Variants in ZBTB20 observed in about 807,000 individuals in gnomAD.
ZBTB20 encodes zinc finger and BTB domain containing 20, also known as zinc finger and BTB domain-containing protein 20.
A neutral mutation model predicts 56.9 loss-of-function variants in ZBTB20; 9 were observed. The ratio of observed to expected loss-of-function variants is 0.16; its 90% CI spans 0.10 to 0.28. ZBTB20 has a LOEUF of 0.28. Ranked by LOEUF, ZBTB20 falls within the 10% of genes least tolerant of loss-of-function variation. The probability of loss-of-function intolerance (pLI) is 1.00; values close to 1 mark genes in which losing one functional copy is unlikely to be tolerated. For synonymous variants in ZBTB20, 417 were observed against 420.7 expected (o/e 0.99, Z 0.11); for missense variants, 655 against 1,003.0 (o/e 0.65, Z 4.69).
rs74984852 is a variant in ZBTB20, at chr3:114,381,188, A to C, written c.-153-248T>G. Among the ~76,000 whole-genome samples, 910 of 152,286 alleles carry C rather than the reference A, an allele frequency of 6.0e-3. 7 individuals are homozygous for C. Among genetic ancestry groups the C allele is most frequent in the African/African-American group, 0.021 (868 of 41,540 alleles). ...TTAGATTCTAGTAGCTAAAGAGGGA[A>C]GGTGTCATGCAGAGATTTTTCTACT... On this transcript the variant is annotated intron_variant, in intron 8 of 11. Transcript: ENST00000675478.
chr3:114,469,010 C>CAAAA (rs1164804884), intron 7 of ZBTB20, among the ~76,000 whole-genome samples: 25 of 67,022 alleles, frequency 3.7e-4, no homozygotes, highest in African/African-American at 8.5e-4. Flanking sequence ...TCAAGAGAAG[C>CAAAA]AAAAAAAAAA....
intron 4 of ZBTB20, among the ~76,000 whole-genome samples, chr3:114,859,093 TA>T (rs967994368): frequency 9.9e-5 from 15 of 151,886 alleles, no homozygotes; most frequent in African/African-American, 3.1e-4. Flanking sequence ...AAATATTTTT[TA>T]AAAAAACAGA....
chr3:114,981,252 A>C (rs1199365389), intron 2 of ZBTB20, among the ~76,000 whole-genome samples: 1 of 152,042 alleles, frequency 6.6e-6, no homozygotes, highest in East Asian at 1.9e-4. Flanking sequence ...CCAGGACAAA[A>C]GGAGAATGTT....
intron 1 of ZBTB20, among the ~76,000 whole-genome samples, chr3:115,116,677 T>C (rs1418830600): frequency 1.3e-5 from 2 of 151,874 alleles, no homozygotes; most frequent in African/African-American, 4.8e-5. Flanking sequence ...ATTTGATAAA[T>C]ATTAGTTTTC....
rs2079420446 is a variant in ZBTB20, at chr3:114,335,449, A to C, written c.*3556T>G. On this transcript the variant is annotated 3_prime_UTR_variant, in exon 12 of 12. Coordinates refer to ENST00000675478, the MANE Select transcript of ZBTB20 (RefSeq NM_001348800.3). ...TTTCTAAAGATATTTGTGATTGTTTAACTTAAAAGTGAGAATTGACAATCT... is the reference window on the plus strand; with the variant it reads ...TTTCTAAAGATATTTGTGATTGTTTCACTTAAAAGTGAGAATTGACAATCT... The C allele has an allele frequency of 6.6e-6, 1 of 152,236 alleles. No homozygotes were observed. The highest frequency in any genetic ancestry group is 1.5e-5 in the Non-Finnish European group (1 of 68,026). 9.4% of individuals were successfully genotyped at this position (152,236 alleles called of 1,614,324 possible). A position where few individuals can be genotyped will look rare whatever the true frequency, so the allele number is the denominator to read the frequency against.
intron 2 of ZBTB20, among the ~76,000 whole-genome samples, chr3:115,018,877 T>C (rs1464554549): frequency 6.6e-6 from 1 of 151,306 alleles, no homozygotes; most frequent in African/African-American, 2.4e-5. Context: ...AGTAAATTGG[T>C]AGTGAATGTT....
intron 6 of ZBTB20, chr3:114,502,665 C>CT (rs1293715284): frequency 6.6e-6 from 1 of 152,068 alleles, no homozygotes; most frequent in Non-Finnish European, 1.5e-5. Flanking sequence ...TTTTAAAGCT[C>CT]TAAGTTTTGC....
rs188127457 is a variant in ZBTB20 at position 114,878,657 on chromosome 3, G to A, written c.-417+21647C>T. Reference sequence around the variant, plus strand: ...AGTAAATTCACATACTCTGTGATACGGGGTGAGTCACTATGACTCTTCTCT... The same window carrying A: ...AGTAAATTCACATACTCTGTGATACAGGGTGAGTCACTATGACTCTTCTCT... On this transcript the variant is annotated intron_variant, in intron 4 of 11. Transcript: ENST00000675478. 3.4e-3 allele frequency among the ~76,000 whole-genome samples: 518 copies of A among 151,858 alleles called. 1 individual carries two copies. The highest frequency in any genetic ancestry group is 0.016 in the South Asian group (75 of 4,794).
chr3:114,808,557 C>A (rs570478923), intron 4 of ZBTB20, among the ~76,000 whole-genome samples: 1 of 151,822 alleles, frequency 6.6e-6, no homozygotes, highest in Non-Finnish European at 1.5e-5. Flanking sequence ...AATCTGTCAT[C>A]TTCTCTCCTT....
At chr3:114,840,504 C>T (rs1224367430) in intron 4 of ZBTB20, among the ~76,000 whole-genome samples, 2 of 152,160 alleles carry the variant, frequency 1.3e-5, no homozygotes, top group African/African-American at 4.8e-5. Flanking sequence ...CTTTTACTGT[C>T]TCATCTGTAA....
chr3:114,666,049 G>C (rs549234507), intron 6 of ZBTB20, among the ~76,000 whole-genome samples: 1 of 152,026 alleles, frequency 6.6e-6, no homozygotes, highest in South Asian at 2.1e-4. Context: ...TGCTTCCTTT[G>C]TCCCTTGCAT....
chr3:114,798,341 CA>C (rs751057036), intron 5 of ZBTB20, among the ~76,000 whole-genome samples: 1,747 of 68,708 alleles, frequency 0.025, 16 homozygotes, highest in South Asian at 0.11. Context: ...AATTAAAAAA[CA>C]AAAAAACAAA....
At chr3:114,726,911 C>CAAAAAAAAAAAAAAAAAAAAAAAAAAAA (rs35565597) in intron 5 of ZBTB20, among the ~76,000 whole-genome samples, 1 of 49,294 alleles carries the variant, frequency 2.0e-5, no homozygotes, top group Non-Finnish European at 3.2e-5. Context: ...GACTCCATCA[C>CAAAAAAAAAAAAAAAAAAAAAAAAAAAA]AAAAAAAAAA....
intron 7 of ZBTB20, among the ~76,000 whole-genome samples, chr3:114,443,095 G>T (rs1310869773): frequency 2.0e-5 from 3 of 152,060 alleles, no homozygotes; most frequent in East Asian, 1.9e-4. Context: ...CTATCAAAAA[G>T]ATCTCACTGT....
rs192718630 is a variant in ZBTB20, at chr3:115,121,279, G to A, written c.-703+25940C>T. 7.2e-4 allele frequency among the ~76,000 whole-genome samples: 109 copies of A among 152,096 alleles called. 1 individual carries two copies. Among genetic ancestry groups the A allele is most frequent in the African/African-American group, 2.5e-3 (104 of 41,532 alleles). ...GGAAACTTTCAAACATACAAAAAGA[G>A]TACATAATAAATGATTCCCTTGTAC... On this transcript the variant is annotated intron_variant, in intron 1 of 11. Coordinates refer to ENST00000675478, the MANE Select transcript of ZBTB20 (RefSeq NM_001348800.3).
Position 115,036,094 on chromosome 3 carries a change from C to A in ZBTB20, c.-507+35125G>T, listed in dbSNP as rs571347281. ...TGGGAAGGAAAAATGAGGAGTTGTT[C>A]TTTTATGTGTATAGGCTTTAAGTTT... On this transcript the variant is annotated intron_variant, in intron 2 of 11. Coordinates refer to ENST00000675478, the MANE Select transcript of ZBTB20 (RefSeq NM_001348800.3). Among the ~76,000 whole-genome samples the A allele has an allele frequency of 2.0e-5, 3 of 152,150 alleles. No homozygotes were observed. In the South Asian group the frequency reaches 6.2e-4, roughly 32 times the overall value.
At chr3:114,814,082 G>A (rs2072755962) in intron 4 of ZBTB20, among the ~76,000 whole-genome samples, 1 of 151,678 alleles carries the variant, frequency 6.6e-6, no homozygotes, top group Non-Finnish European at 1.5e-5. Context: ...ATTTTTCTTA[G>A]TATAAGCATT....
At chr3:114,574,408 C>T (rs2053781882) in intron 6 of ZBTB20, among the ~76,000 whole-genome samples, 1 of 152,186 alleles carries the variant, frequency 6.6e-6, no homozygotes, top group African/African-American at 2.4e-5. Flanking sequence ...TATCCACTAT[C>T]ACTATGAGTG....
At chr3:115,130,199 G>A (rs1177793678) in intron 1 of ZBTB20, among the ~76,000 whole-genome samples, 2 of 152,048 alleles carry the variant, frequency 1.3e-5, no homozygotes, top group Non-Finnish European at 2.9e-5. Flanking sequence ...CTGACTTCTA[G>A]GGTTTTTTTC....
Sources: gnomAD v4.1 joint callset for allele counts (sites outside exome capture counted in the v4.1 genomes callset) on GRCh38, gnomAD v4.1.1 for gene constraint, MANE v1.5 for transcripts, NCBI Gene and HGNC (gene_info 2026-07-23, HGNC 2026-07-21) for gene names.